The following SLCO5A1 variants were observed in gnomAD, a reference collection of about 807,000 sequenced individuals.
The protein encoded by SLCO5A1 is organic anion transporter polypeptide-related protein 4.
Under a neutral mutation model 65.1 loss-of-function variants are expected in SLCO5A1, and 39 were observed. The observed-to-expected ratio is 0.60, with a 90% CI of 0.46 to 0.78. The LOEUF (loss-of-function observed/expected upper bound fraction) is 0.78, where lower values mean the gene tolerates loss of function less well. Ranked by LOEUF, SLCO5A1 falls within the 30% of genes least tolerant of loss-of-function variation. The pLI, the probability that SLCO5A1 is intolerant of heterozygous loss-of-function variation, is 0.00. For missense variants in SLCO5A1, 1,029 were observed against 1,069.4 expected, an observed-to-expected ratio of 0.96 and a Z score of 0.53; for synonymous variants, 438 against 415.7, an observed-to-expected ratio of 1.05 and a Z score of -0.65.
intron 4 of SLCO5A1, among the ~76,000 whole-genome samples, chr8:69,749,859 G>A (rs1281491284): frequency 6.6e-6 from 1 of 152,118 alleles, no homozygotes; most frequent in African/African-American, 2.4e-5. Flanking sequence ...AACACTAAAG[G>A]CAGGATGGAG....
At chr8:69,823,013 C>CACCCAATCAGAGTTGT (rs1820713063) in intron 2 of SLCO5A1, among the ~76,000 whole-genome samples, 1 of 152,298 alleles carries the variant, frequency 6.6e-6, no homozygotes, top group African/African-American at 2.4e-5. Context: ...TCCTGAATAT[C>CACCCAATCAGAGTTGT]ACCCAATCAG....
At position 69,761,205 on chromosome 8, in the gene SLCO5A1, A is replaced by G. The variant is rs544760563; in HGVS notation, c.1040+538T>C. Among the ~76,000 whole-genome samples the G allele has an allele frequency of 5.1e-4, 77 of 152,348 alleles. 1 individual carries two copies. The highest frequency in any genetic ancestry group is 2.3e-3 in the South Asian group (11 of 4,826). On this transcript the variant is annotated intron_variant, in intron 3 of 9. Transcript: ENST00000260126. ...AAACCCTCTGTATAAGCTCTCTGCT[A>G]TAAGAAGTTACCACACACTTCGTGG...
intron 2 of SLCO5A1, among the ~76,000 whole-genome samples, chr8:69,784,856 A>AAAGAAAGAAAGAAAGAAAGG (rs1818956915): frequency 7.2e-6 from 1 of 139,720 alleles, no homozygotes; most frequent in Non-Finnish European, 1.6e-5. Context: ...AGAAAGAAAG[A>AAAGAAAGAAAGAAAGAAAGG]AAGAAAGGGA....
intron 3 of SLCO5A1, among the ~76,000 whole-genome samples, chr8:69,757,206 A>G (rs980131872): frequency 3.9e-5 from 6 of 152,318 alleles, no homozygotes; most frequent in Admixed American, 3.3e-4. Context: ...AGATTTTAAG[A>G]TAGTCAGTAA....
intron 4 of SLCO5A1, among the ~76,000 whole-genome samples, chr8:69,747,723 A>T (rs1817104143): frequency 6.6e-6 from 1 of 152,188 alleles, no homozygotes; most frequent in African/African-American, 2.4e-5. Flanking sequence ...ATTATCTCTA[A>T]TCTTGCAGTT....
At chr8:69,679,922 G>T (rs1235386695) in intron 7 of SLCO5A1, among the ~76,000 whole-genome samples, 2 of 152,080 alleles carry the variant, frequency 1.3e-5, no homozygotes, top group African/African-American at 2.4e-5. Context: ...TGCCTCCATT[G>T]CTGTTAACTC....
intron 5 of SLCO5A1, among the ~76,000 whole-genome samples, chr8:69,725,801 C>T (rs935389403): frequency 2.6e-5 from 4 of 152,188 alleles, no homozygotes; most frequent in Admixed American, 6.5e-5. Flanking sequence ...GTAGCAGAAA[C>T]GCTCCTACGT....
chr8:69,679,652 C>A, intron 7 of SLCO5A1, 33 bp from the exon 8 acceptor site: 2 of 1,600,442 alleles, frequency 1.2e-6, no homozygotes, highest in Non-Finnish European at 1.7e-6. Flanking sequence ...AGTTGTGTGC[C>A]CCTCAAAAGC....
chr8:69,750,827 GTGGA>G (rs1401223764), intron 4 of SLCO5A1, among the ~76,000 whole-genome samples: 4 of 152,132 alleles, frequency 2.6e-5, no homozygotes, highest in Admixed American at 2.0e-4. Context: ...GGCTCCCTCA[GTGGA>G]CTCTAAGCTC....
intron 5 of SLCO5A1, among the ~76,000 whole-genome samples, chr8:69,728,800 GGTAA>G (rs1231456128): frequency 2.0e-5 from 3 of 151,658 alleles, no homozygotes; most frequent in Non-Finnish European, 4.4e-5. Context: ...TATCAGAAAA[GGTAA>G]GTAATAACTG....
chr8:69,726,062 G>A (rs1816055897), intron 5 of SLCO5A1, among the ~76,000 whole-genome samples: 1 of 152,208 alleles, frequency 6.6e-6, no homozygotes, highest in Non-Finnish European at 1.5e-5. Flanking sequence ...AGTAGGTCAT[G>A]TTTGTCTTTG....
At chr8:69,713,719 G>GCCAGC (rs1815383652) in intron 5 of SLCO5A1, 2 of 152,132 alleles carry the variant, frequency 1.3e-5, no homozygotes, top group African/African-American at 4.8e-5. Context: ...GGTGCATCTT[G>GCCAGC]CCAGCAAAAG....
intron 2 of SLCO5A1, among the ~76,000 whole-genome samples, chr8:69,764,703 T>C (rs1043357924): frequency 1.3e-5 from 2 of 152,226 alleles, no homozygotes; most frequent in African/African-American, 4.8e-5. Flanking sequence ...GGTATTCCCA[T>C]ACGCATATGA....
At chr8:69,698,627 A>G (rs777105786) in intron 6 of SLCO5A1, among the ~76,000 whole-genome samples, 95 of 152,100 alleles carry the variant, frequency 6.2e-4, no homozygotes, top group Non-Finnish European at 1.8e-4. Flanking sequence ...GCATTTTTTC[A>G]TATGCTTGTT....
At chr8:69,820,661 G>A (rs990769169) in intron 2 of SLCO5A1, among the ~76,000 whole-genome samples, 1 of 151,592 alleles carries the variant, frequency 6.6e-6, no homozygotes, top group Middle Eastern at 3.2e-3. Flanking sequence ...ATGAGACCAT[G>A]TCTCTACAAA....
intron 2 of SLCO5A1, among the ~76,000 whole-genome samples, chr8:69,831,413 A>G (rs1471589068): frequency 1.3e-5 from 2 of 152,198 alleles, no homozygotes; most frequent in East Asian, 3.9e-4. Context: ...TTTACACATG[A>G]GGTACTGCTA....
intron 2 of SLCO5A1, among the ~76,000 whole-genome samples, chr8:69,784,944 AAGAAAG>A (rs923000160): frequency 6.1e-5 from 9 of 148,278 alleles, no homozygotes; most frequent in Admixed American, 6.1e-4. Flanking sequence ...GAAAGAAAGA[AAGAAAG>A]AAGAAAGGAA....
intron 2 of SLCO5A1, among the ~76,000 whole-genome samples, chr8:69,807,920 G>C (rs570841545): frequency 6.6e-6 from 1 of 152,108 alleles, no homozygotes; most frequent in South Asian, 2.1e-4. Flanking sequence ...AGCCAGGATG[G>C]TCTCGATCTC....
intron 2 of SLCO5A1, among the ~76,000 whole-genome samples, chr8:69,774,669 T>C (rs1818485992): frequency 6.6e-6 from 1 of 152,138 alleles, no homozygotes; most frequent in South Asian, 2.1e-4. Flanking sequence ...AGTCTCAGGG[T>C]CTGGGACTGC....
Sources: allele counts gnomAD v4.1 joint callset (sites outside exome capture counted in the v4.1 genomes callset), GRCh38; gene constraint gnomAD v4.1.1; transcripts MANE v1.5; gene names NCBI Gene and HGNC (gene_info 2026-07-23, HGNC 2026-07-21).